The following ZMYM5 variants were observed in gnomAD, a reference collection of about 807,000 sequenced individuals.
ZMYM5 encodes zinc finger MYM-type protein 5.
In ZMYM5, 41 loss-of-function variants were observed where a neutral mutation model predicts 61.8. The observed-to-expected ratio is 0.66, with a 90% CI of 0.52 to 0.86. The LOEUF (loss-of-function observed/expected upper bound fraction) is 0.86, where lower values mean the gene tolerates loss of function less well. Ranked by LOEUF, ZMYM5 falls within the 40% of genes least tolerant of loss-of-function variation. ZMYM5 has a pLI of 0.00. For synonymous variants in ZMYM5, 257 were observed against 276.4 expected (o/e 0.93, Z 0.70); for missense variants, 706 against 786.7 (o/e 0.90, Z 1.23).
chr13:19,829,834 G>A (rs1034077973), intron 7 of ZMYM5, among the ~76,000 whole-genome samples: 4 of 152,068 alleles, frequency 2.6e-5, no homozygotes, highest in African/African-American at 9.7e-5. Flanking sequence ...ACTATTTACT[G>A]ACTTTTTTTT....
At chr13:19,849,484 A>G (rs1953203737) in intron 4 of ZMYM5, among the ~76,000 whole-genome samples, 1 of 152,136 alleles carries the variant, frequency 6.6e-6, no homozygotes, top group South Asian at 2.1e-4. Context: ...CAGGATACAA[A>G]ACAATATAAA....
chr13:19,835,826 A>T (rs1952656622), intron 6 of ZMYM5, 137 bp from the exon 7 acceptor site: 9 of 456,018 alleles, frequency 2.0e-5, no homozygotes, highest in African/African-American at 1.1e-4. Flanking sequence ...CAGGGAAAAG[A>T]TTTTTTTTTT....
At chr13:19,861,155 C>A (rs1458703103) in intron 2 of ZMYM5, among the ~76,000 whole-genome samples, 2 of 151,740 alleles carry the variant, frequency 1.3e-5, no homozygotes, top group African/African-American at 4.9e-5. Context: ...AGCCACTTTA[C>A]CCATTTTTTT....
At chr13:19,846,417 A>G (rs1953073257) in intron 4 of ZMYM5, among the ~76,000 whole-genome samples, 1 of 152,210 alleles carries the variant, frequency 6.6e-6, no homozygotes, top group Admixed American at 6.5e-5. Flanking sequence ...AAAATAACTC[A>G]AAAGAGTTCA....
At chr13:19,855,141 G>C (rs962577325) in intron 2 of ZMYM5, among the ~76,000 whole-genome samples, 11 of 152,128 alleles carry the variant, frequency 7.2e-5, no homozygotes, top group Non-Finnish European at 1.2e-4. Flanking sequence ...AATTGCTTGA[G>C]CCCAGGAGTT....
In ZMYM5 at chr13:19,857,706, A is replaced by C. The variant is rs993524742; in HGVS notation, c.-11+4693T>G. On this transcript the variant is annotated intron_variant, in intron 2 of 7. Transcript: ENST00000337963. Reference sequence around the variant, plus strand: ...CAAGACCAACTTGGGCAACAAACTGAGAACTCATCTCTACAAAAAAATAAA... The same window carrying C: ...CAAGACCAACTTGGGCAACAAACTGCGAACTCATCTCTACAAAAAAATAAA... Among the ~76,000 whole-genome samples, 10 of 152,294 alleles carry C rather than the reference A, an allele frequency of 6.6e-5. No homozygotes were observed. The East Asian group carries it at 9.6e-4, about 15-fold the overall frequency.
chr13:19,859,471 T>A (rs1326663100), intron 2 of ZMYM5, among the ~76,000 whole-genome samples: 16 of 152,146 alleles, frequency 1.1e-4, no homozygotes, highest in Admixed American at 9.2e-4. Flanking sequence ...GGCGCGATCT[T>A]GGCTCACTGC....
intron 4 of ZMYM5, among the ~76,000 whole-genome samples, chr13:19,841,033 C>T (rs1441664502): frequency 8.3e-5 from 12 of 143,856 alleles, no homozygotes; most frequent in African/African-American, 1.8e-4. Flanking sequence ...TGCACTGGCA[C>T]GCTCACTGCA....
rs188498853 is a variant in ZMYM5, at chr13:19,838,373, G to A, written c.872+327C>T. On this transcript the variant is annotated intron_variant, in intron 5 of 7. Coordinates refer to ENST00000337963, the MANE Select transcript of ZMYM5 (RefSeq NM_001142684.2). ...AGCCTGGGCAACAGAGTGAGACTCC[G>A]TCTCAAAAACAAACCAACAAACCAA... 1.4e-3 allele frequency among the ~76,000 whole-genome samples: 220 copies of A among 152,274 alleles called. 1 individual carries two copies. The highest frequency in any genetic ancestry group is 5.0e-3 in the African/African-American group (206 of 41,558).
rs754282773 is a variant in ZMYM5, at chr13:19,824,551, TA to T, written c.1935del (p.Asn645LysfsTer56). On this transcript the variant is annotated frameshift_variant, in exon 8 of 8. Transcript: ENST00000337963. LOFTEE classifies it high-confidence loss of function. Reference protein sequence around the residue: ...YSKLKSDLKKNKAIDAAEHRL... With the variant: ...YSKLKSDLKKXKAIDAAEHRL... Reference sequence around the variant, plus strand: ...CTGTGTTCTGCAGCATCAATAGCTTTATTTTTTTTCAGATCAGATTTTAATT... The same window carrying T: ...CTGTGTTCTGCAGCATCAATAGCTTTTTTTTTTTCAGATCAGATTTTAATT... 386 of 1,326,970 alleles carry T rather than the reference TA, an allele frequency of 2.9e-4. No homozygotes were observed. Among genetic ancestry groups the T allele is most frequent in the Non-Finnish European group, 3.6e-4 (364 of 1,005,198 alleles). 82.2% of individuals were successfully genotyped at this position (1,326,970 alleles called of 1,614,324 possible).
At chr13:19,859,481 C>T (rs1953644742) in intron 2 of ZMYM5, among the ~76,000 whole-genome samples, 1 of 152,108 alleles carries the variant, frequency 6.6e-6, no homozygotes, top group Non-Finnish European at 1.5e-5. Context: ...TGGCTCACTG[C>T]AAGCTCCACC....
At chr13:19,839,436 C>T (rs1297628187) in intron 4 of ZMYM5, among the ~76,000 whole-genome samples, 2 of 151,970 alleles carry the variant, frequency 1.3e-5, no homozygotes, top group African/African-American at 2.4e-5. Flanking sequence ...TCTCCCAGAC[C>T]GGAGTGCAAT....
chr13:19,860,101 CAAAAAAAAAA>C (rs537760988), intron 2 of ZMYM5, among the ~76,000 whole-genome samples: 5 of 31,324 alleles, frequency 1.6e-4, no homozygotes, highest in African/African-American at 3.5e-4. Flanking sequence ...AAGACTGTCT[CAAAAAAAAAA>C]AAAAAAAAAA....
At chr13:19,840,972 C>T (rs900153658) in intron 4 of ZMYM5, among the ~76,000 whole-genome samples, 39 of 148,708 alleles carry the variant, frequency 2.6e-4, no homozygotes, top group Admixed American at 1.0e-3. Flanking sequence ...CCACCGCGCC[C>T]GGCCCACCTG....
intron 6 of ZMYM5, among the ~76,000 whole-genome samples, chr13:19,836,620 T>C (rs1440600103): frequency 1.3e-5 from 2 of 152,090 alleles, no homozygotes; most frequent in African/African-American, 4.8e-5. Flanking sequence ...ATCAACAATT[T>C]TTAGATGGTA....
intron 7 of ZMYM5, among the ~76,000 whole-genome samples, chr13:19,827,326 G>T (rs1459641958): frequency 6.6e-5 from 10 of 152,168 alleles, no homozygotes; most frequent in South Asian, 2.1e-4. Context: ...TCTAATTCAG[G>T]TATACATAAT....
At chr13:19,831,780 T>A (rs1891228579) in intron 7 of ZMYM5, among the ~76,000 whole-genome samples, 1 of 88,250 alleles carries the variant, frequency 1.1e-5, no homozygotes, top group East Asian at 4.3e-4. Context: ...AGAGAGAGAC[T>A]CTGTCTCAAA....
At chr13:19,857,182 A>G (rs993874774) in intron 2 of ZMYM5, among the ~76,000 whole-genome samples, 4 of 152,262 alleles carry the variant, frequency 2.6e-5, no homozygotes, top group Admixed American at 6.5e-5. Context: ...ACTATGCTAC[A>G]TTGCTACATG....
chr13:19,848,112 A>G (rs1251201326), intron 4 of ZMYM5, among the ~76,000 whole-genome samples: 1 of 151,968 alleles, frequency 6.6e-6, no homozygotes, highest in Non-Finnish European at 1.5e-5. Flanking sequence ...CTGTGACTGC[A>G]GGAGCATGCC....
Sources: gnomAD v4.1 joint callset for allele counts (sites outside exome capture counted in the v4.1 genomes callset) on GRCh38, gnomAD v4.1.1 for gene constraint, MANE v1.5 for transcripts, NCBI Gene and HGNC (gene_info 2026-07-23, HGNC 2026-07-21) for gene names.